GUCY1A2: variants seen among roughly 807,000 people sequenced by gnomAD.
GUCY1A2 encodes guanylate cyclase 1 soluble subunit alpha 2.
In GUCY1A2, 27 loss-of-function variants were observed where a neutral mutation model predicts 63.5. The ratio of observed to expected loss-of-function variants is 0.43; its 90% CI spans 0.31 to 0.59. The LOEUF is 0.59. GUCY1A2 is among the 20% of genes least tolerant of loss of function. GUCY1A2 has a pLI of 0.11. For missense variants in GUCY1A2, 768 were observed against 913.3 expected, an observed-to-expected ratio of 0.84 and a Z score of 2.05; for synonymous variants, 364 against 343.5, an observed-to-expected ratio of 1.06 and a Z score of -0.66.
chr11:106,895,822 T>C (rs1023383443), intron 4 of GUCY1A2, among the ~76,000 whole-genome samples: 3 of 151,986 alleles, frequency 2.0e-5, no homozygotes, highest in Non-Finnish European at 4.4e-5. Flanking sequence ...CAGACTGATA[T>C]ATCTTATAAC....
intron 7 of GUCY1A2, among the ~76,000 whole-genome samples, chr11:106,695,593 G>A (rs1440125151): frequency 6.6e-6 from 1 of 152,128 alleles, no homozygotes; most frequent in Non-Finnish European, 1.5e-5. Flanking sequence ...AAGAAAGGAA[G>A]GAACTCTGCC....
intron 5 of GUCY1A2, among the ~76,000 whole-genome samples, chr11:106,781,639 C>T (rs1200208716): frequency 1.3e-5 from 2 of 152,030 alleles, no homozygotes; most frequent in Non-Finnish European, 2.9e-5. Context: ...TGTGGGCTCT[C>T]TGCAACCCCT....
intron 5 of GUCY1A2, among the ~76,000 whole-genome samples, chr11:106,804,118 A>C (rs1382696457): frequency 6.6e-6 from 1 of 152,268 alleles, no homozygotes; most frequent in Non-Finnish European, 1.5e-5. Context: ...TATGGAAGTC[A>C]TGGCTCCTTA....
At chr11:106,849,594 C>T (rs1469060019) in intron 4 of GUCY1A2, among the ~76,000 whole-genome samples, 1 of 151,532 alleles carries the variant, frequency 6.6e-6, no homozygotes, top group African/African-American at 2.4e-5. Context: ...TGAGCCCTCT[C>T]CCAGCTCCAT....
At chr11:106,837,377 C>G (rs1460123684) in intron 4 of GUCY1A2, among the ~76,000 whole-genome samples, 1 of 151,966 alleles carries the variant, frequency 6.6e-6, no homozygotes, top group Non-Finnish European at 1.5e-5. Flanking sequence ...TACCACATTT[C>G]TTTATCCAAT....
intron 4 of GUCY1A2, among the ~76,000 whole-genome samples, chr11:106,831,093 A>C (rs1403443840): frequency 6.6e-6 from 1 of 152,210 alleles, no homozygotes; most frequent in African/African-American, 2.4e-5. Flanking sequence ...ACCCTTATTC[A>C]GTACAGCATT....
At chr11:106,930,747 T>C (rs760876834) in intron 4 of GUCY1A2, among the ~76,000 whole-genome samples, 2 of 152,236 alleles carry the variant, frequency 1.3e-5, no homozygotes, top group Non-Finnish European at 2.9e-5. Flanking sequence ...TAGTGTGTTA[T>C]GTTGCCATGC....
chr11:106,980,624 T>C (rs974250597), intron 2 of GUCY1A2, among the ~76,000 whole-genome samples: 1 of 152,150 alleles, frequency 6.6e-6, no homozygotes, highest in Non-Finnish European at 1.5e-5. Flanking sequence ...AAAATTTAAA[T>C]TGGTCTAGAG....
chr11:106,675,135 TA>T lies in GUCY1A2; in HGVS notation c.*12413del. 1 of 213,714 alleles carries T rather than the reference TA, an allele frequency of 4.7e-6. No individual in the cohort carries two copies. The highest frequency in any genetic ancestry group is 7.0e-5 in the East Asian group (1 of 14,330). The allele number at this position is 213,714 out of a possible 1,614,324, so 13.2% of individuals were successfully genotyped here. ...TGATTTTGAAATGAATGATATGTATTATTTCTGGAATGCACTTAATCAGTAT... is the reference window on the plus strand; with the variant it reads ...TGATTTTGAAATGAATGATATGTATTTTTCTGGAATGCACTTAATCAGTAT... On this transcript the variant is annotated 3_prime_UTR_variant, in exon 8 of 8. Transcript: ENST00000526355.
intron 3 of GUCY1A2, among the ~76,000 whole-genome samples, chr11:106,968,639 C>T (rs1432137423): frequency 1.3e-5 from 2 of 152,102 alleles, no homozygotes; most frequent in East Asian, 3.9e-4. Flanking sequence ...TCCCTCCATT[C>T]CATCAATGAG....
At chr11:107,017,672 C>G in intron 1 of GUCY1A2, 81 bp downstream of exon 1, 3 of 830,436 alleles carry the variant, frequency 3.6e-6, no homozygotes, top group Non-Finnish European at 4.9e-6. Context: ...TCTGCGCTCG[C>G]GCCCCGGCTC....
At chr11:106,929,435 G>A (rs1860571825) in intron 4 of GUCY1A2, among the ~76,000 whole-genome samples, 1 of 152,096 alleles carries the variant, frequency 6.6e-6, no homozygotes. Flanking sequence ...AATAGTCAAA[G>A]CTTTTCTAAA....
chr11:106,680,050 G>A lies in GUCY1A2; in HGVS notation c.*7499C>T, dbSNP rs1343487553. 6 of 214,464 alleles carry A rather than the reference G, an allele frequency of 2.8e-5. No individual in the cohort carries two copies. Among genetic ancestry groups the A allele is most frequent in the Admixed American group, 5.9e-5 (1 of 17,082 alleles). The allele number at this position is 214,464 out of a possible 1,614,324, so 13.3% of individuals were successfully genotyped here. On this transcript the variant is annotated 3_prime_UTR_variant, in exon 8 of 8. Transcript: ENST00000526355. ...CCATTAAACCAGAGGTGTTTGTTAC[G>A]GAAATTGCCTCTCCTTTAAGAGTCT...
At position 106,973,513 on chromosome 11, in the gene GUCY1A2, T is replaced by C. The variant is rs561506562; in HGVS notation, c.487+5106A>G. Among the ~76,000 whole-genome samples, 4 of 152,240 alleles carry C rather than the reference T, an allele frequency of 2.6e-5. No homozygotes were observed. The South Asian group carries it at 8.3e-4, about 32-fold the overall frequency. ...GTCTCATACAAGCAAGTATCCCAAG[T>C]ACATTTGAAAGAGCAAAGCACTAAG... On this transcript the variant is annotated intron_variant, in intron 3 of 7. Transcript: ENST00000526355.
At chr11:106,929,107 G>GA in intron 4 of GUCY1A2, among the ~76,000 whole-genome samples, 1 of 152,080 alleles carries the variant, frequency 6.6e-6, no homozygotes, top group Non-Finnish European at 1.5e-5. Flanking sequence ...TAAATAAACT[G>GA]AAATAAAACT....
At chr11:106,731,461 C>T (rs555955562) in intron 6 of GUCY1A2, among the ~76,000 whole-genome samples, 3 of 152,138 alleles carry the variant, frequency 2.0e-5, no homozygotes, top group South Asian at 4.1e-4. Flanking sequence ...AAACATTTCC[C>T]TTGAAAGCCG....
intron 4 of GUCY1A2, among the ~76,000 whole-genome samples, chr11:106,859,129 C>T (rs1322431426): frequency 6.6e-6 from 1 of 151,850 alleles, no homozygotes; most frequent in African/African-American, 2.4e-5. Flanking sequence ...TTAATGAATT[C>T]AGATTAAAAT....
intron 4 of GUCY1A2, among the ~76,000 whole-genome samples, chr11:106,903,452 C>T (rs1046466339): frequency 6.6e-6 from 1 of 152,114 alleles, no homozygotes; most frequent in South Asian, 2.1e-4. Context: ...AAACATAAAA[C>T]CAAGACAACT....
At chr11:106,908,750 C>T (rs886096441) in intron 4 of GUCY1A2, among the ~76,000 whole-genome samples, 5 of 152,090 alleles carry the variant, frequency 3.3e-5, no homozygotes, top group African/African-American at 1.2e-4. Context: ...TAAATAGGTA[C>T]GACCAGTTCT....
Sources: allele counts gnomAD v4.1 joint callset (sites outside exome capture counted in the v4.1 genomes callset), GRCh38; gene constraint gnomAD v4.1.1; transcripts MANE v1.5; gene names NCBI Gene and HGNC (gene_info 2026-07-23, HGNC 2026-07-21).